GSN: variants seen among roughly 807,000 people sequenced by gnomAD.
GSN encodes gelsolin.
Under a neutral mutation model 85.7 loss-of-function variants are expected in GSN, and 56 were observed. That is an observed-to-expected ratio of 0.65 (90% CI 0.53 to 0.82). The LOEUF (loss-of-function observed/expected upper bound fraction) is 0.82. Ranked by LOEUF, GSN falls within the 40% of genes least tolerant of loss-of-function variation. The pLI is 0.00. For missense variants in GSN, 857 were observed against 979.8 expected, an observed-to-expected ratio of 0.87 and a Z score of 1.67; for synonymous variants, 373 against 399.1, an observed-to-expected ratio of 0.93 and a Z score of 0.78.
At chr9:121,248,545 G>A (rs116061279) in intron 6 of GSN, among the ~76,000 whole-genome samples, 1 of 152,120 alleles carries the variant, frequency 6.6e-6, no homozygotes, top group African/African-American at 2.4e-5. Flanking sequence ...TTGAAACTGG[G>A]GGTTTGAAAA....
chr9:121,274,835 A>C lies in GSN; in HGVS notation c.-103+6616A>C, dbSNP rs1168800722. On this transcript the variant is annotated intron_variant, in intron 1 of 17. Coordinates refer to ENST00000432226, the MANE Select transcript of GSN (RefSeq NM_198252.3). ...GGATGAGGAGCCTGATCAGATATCA[A>C]GGATGAGGGGTTCTGGCTAAACAGA... Among the ~76,000 whole-genome samples, 3 of 152,236 alleles carry C rather than the reference A, an allele frequency of 2.0e-5. No individual in the cohort carries two copies. The East Asian group carries it at 5.8e-4, about 29-fold the overall frequency.
intron 4 of GSN, among the ~76,000 whole-genome samples, chr9:121,229,677 A>C (rs531352266): frequency 1.4e-4 from 22 of 152,306 alleles, no homozygotes; most frequent in African/African-American, 5.3e-4. Context: ...AGCTTGTCTC[A>C]TTACTGGGGA....
chr9:121,286,088 G>A, intron 2 of GSN: 1 of 1,534,064 alleles, frequency 6.5e-7, no homozygotes, highest in Non-Finnish European at 8.7e-7. Flanking sequence ...TATAGGCTGA[G>A]ATGATTAGGT....
intron 1 of GSN, among the ~76,000 whole-genome samples, chr9:121,273,158 C>A (rs1189396501): frequency 6.6e-6 from 1 of 152,214 alleles, no homozygotes; most frequent in Non-Finnish European, 1.5e-5. Flanking sequence ...TCGCAGGGAA[C>A]TCCAGTGAAG....
In GSN at chr9:121,314,022, A is replaced by C. The variant is rs148800857; in HGVS notation, c.752A>C (p.Lys251Thr). Residue 251 changes from lysine (K) to threonine (T), a missense_variant and splice_region_variant, in exon 7 of 18, where the codon AAG becomes ACG. Physicochemically the swap from Lys to Thr is moderately conservative, Grantham distance 78. Coordinates refer to ENST00000432226, the MANE Select transcript of GSN (RefSeq NM_198252.3). ...AACCGCAAGCTGGCCAAGCTCTACA[A>C]GGTGAGCACCAGATGCACTGTCTGC... ...AANRKLAKLYKVSNGAGTMSV... is the reference protein window; with the variant it reads ...AANRKLAKLYTVSNGAGTMSV... 6.2e-7 allele frequency: 1 copy of C among 1,610,504 alleles called. No homozygotes were observed. Among genetic ancestry groups the C allele is most frequent in the Non-Finnish European group, 8.5e-7 (1 of 1,176,650 alleles).
chr9:121,319,627 G>T (rs1416515900), intron 10 of GSN, among the ~76,000 whole-genome samples: 1 of 151,682 alleles, frequency 6.6e-6, no homozygotes, highest in Non-Finnish European at 1.5e-5. Flanking sequence ...CCGGCCACCT[G>T]CTTTAGAAAC....
chr9:121,324,763 A>G, intron 12 of GSN, 119 bp downstream of exon 12: 2 of 660,780 alleles, frequency 3.0e-6, no homozygotes, highest in South Asian at 3.2e-5. Flanking sequence ...CCATCCATCC[A>G]TCCATCCATC....
intron 2 of GSN, among the ~76,000 whole-genome samples, chr9:121,295,804 C>A (rs939935700): frequency 2.0e-5 from 3 of 152,204 alleles, no homozygotes; most frequent in African/African-American, 7.2e-5. Context: ...CAGGAATAGC[C>A]GAGATCAGAG....
Position 121,326,640 on chromosome 9 carries a change from C to T in GSN, c.1545C>T (p.Phe515=), listed in dbSNP as rs1188977094. The change falls in exon 13 of 18, where the codon TTC becomes TTT. Residue 515 remains phenylalanine, a synonymous_variant. Transcript: ENST00000432226. ...CAGCCCCTGCCAGCACCCGCCTCTTCCAGGTCCGCGCCAACAGCGCTGGAG... is the reference window on the plus strand; with the variant it reads ...CAGCCCCTGCCAGCACCCGCCTCTTTCAGGTCCGCGCCAACAGCGCTGGAG... ...GQTAPASTRL[F]QVRANSAGAT... is the part of the protein sequence containing the mutation. 6.2e-7 allele frequency: 1 copy of T among 1,608,256 alleles called. No homozygotes were observed.
chr9:121,273,464 C>T (rs949856029), intron 1 of GSN, among the ~76,000 whole-genome samples: 3 of 152,066 alleles, frequency 2.0e-5, no homozygotes, highest in African/African-American at 7.3e-5. Context: ...CTCCAAGGAC[C>T]TTTTCCCCCC....
intron 4 of GSN, among the ~76,000 whole-genome samples, chr9:121,216,744 C>T (rs2054071468): frequency 6.6e-6 from 1 of 152,236 alleles, no homozygotes; most frequent in Non-Finnish European, 1.5e-5. Context: ...TCCTGGAAGA[C>T]AGGAATTTTA....
rs1483107569 is a variant in GSN, at chr9:121,329,991, C to G, written c.1965+676C>G. Among the ~76,000 whole-genome samples the G allele has an allele frequency of 6.6e-6, 1 of 152,164 alleles. No individual in the cohort carries two copies. Among genetic ancestry groups the G allele is most frequent in the Non-Finnish European group, 1.5e-5 (1 of 68,030 alleles). ...CAGAGTCCTCAGAGTTACGGAGCAG[C>G]TGGCCACGAAGGCATAAGACTCTAC... On this transcript the variant is annotated intron_variant, in intron 16 of 17. Coordinates refer to ENST00000432226, the MANE Select transcript of GSN (RefSeq NM_198252.3). This position sits in a 1 kb window ranked among gnomAD's most constrained non-coding sequence, Gnocchi z 4.6.
rs182933154 is a variant in GSN, at chr9:121,286,378, G to A, written c.-10+4816G>A. On this transcript the variant is annotated intron_variant, in intron 2 of 17. Coordinates refer to ENST00000432226, the MANE Select transcript of GSN (RefSeq NM_198252.3). ...GTGTGTCCGGTCAGGCCAGGACTCCGTAGCAGTCAGACCCCTTCTCCCCGA... is the reference window on the plus strand; with the variant it reads ...GTGTGTCCGGTCAGGCCAGGACTCCATAGCAGTCAGACCCCTTCTCCCCGA... 5.3e-5 allele frequency among the ~76,000 whole-genome samples: 8 copies of A among 152,336 alleles called. 1 individual carries two copies. The East Asian group carries it at 1.5e-3, about 29-fold the overall frequency.
chr9:121,292,564 G>A lies in GSN; in HGVS notation c.-9-9399G>A, dbSNP rs183917292. Among the ~76,000 whole-genome samples the A allele has an allele frequency of 2.6e-3, 391 of 152,290 alleles. 2 individuals carry two copies. The highest frequency in any genetic ancestry group is 4.1e-3 in the Non-Finnish European group (281 of 68,030). ...CAAACACAGTGCCAGGGCTCCTTCA[G>A]TCCTACCAGACACCCCACCAGGTTG... On this transcript the variant is annotated intron_variant, in intron 2 of 17. Transcript: ENST00000432226.
intron 5 of GSN, among the ~76,000 whole-genome samples, chr9:121,232,147 T>G (rs1421350706): frequency 1.3e-5 from 2 of 152,186 alleles, no homozygotes; most frequent in Non-Finnish European, 2.9e-5. Context: ...CCAGAAGATT[T>G]GATAATCCCA....
chr9:121,233,512 C>T (rs1342962585), intron 5 of GSN, among the ~76,000 whole-genome samples: 1 of 151,970 alleles, frequency 6.6e-6, no homozygotes, highest in Admixed American at 6.6e-5. Context: ...GCCAGGCACA[C>T]AGAATAAGAC....
chr9:121,268,649 A>G (rs1012878190), intron 1 of GSN, among the ~76,000 whole-genome samples: 4 of 152,218 alleles, frequency 2.6e-5, no homozygotes, highest in Non-Finnish European at 5.9e-5. Flanking sequence ...TGCCTCCTGG[A>G]CGATACCTGT....
upstream of GSN, among the ~76,000 whole-genome samples, chr9:121,263,298 T>C (rs545471960): frequency 6.6e-6 from 1 of 152,342 alleles, no homozygotes; most frequent in African/African-American, 2.4e-5. Context: ...ATTTCTACCA[T>C]ATAGATAAAT....
upstream of GSN, among the ~76,000 whole-genome samples, chr9:121,207,077 T>C (rs886624304): frequency 2.6e-5 from 4 of 152,288 alleles, no homozygotes; most frequent in African/African-American, 9.6e-5. Flanking sequence ...ATTATTTCTT[T>C]ATTGCTTTTT....
Sources: gnomAD v4.1 joint callset for allele counts (sites outside exome capture counted in the v4.1 genomes callset) on GRCh38, gnomAD v4.1.1 for gene constraint, Gnocchi (gnomAD v3.1) non-coding constraint, MANE v1.5 for transcripts, NCBI Gene and HGNC (gene_info 2026-07-23, HGNC 2026-07-21) for gene names.